Variants in ORC5 observed in about 807,000 individuals in gnomAD.
ORC5 encodes protein phosphatase 1, regulatory subunit 117.
Under a neutral mutation model 58.8 loss-of-function variants are expected in ORC5, and 39 were observed. That is an observed-to-expected ratio of 0.66 (90% CI 0.51 to 0.87). The LOEUF is 0.87. Ranked by LOEUF, ORC5 falls within the 40% of genes least tolerant of loss-of-function variation. The pLI, the probability that ORC5 is intolerant of heterozygous loss-of-function variation, is 0.00. For missense variants in ORC5, 493 were observed against 506.3 expected, an observed-to-expected ratio of 0.97 and a Z score of 0.25; for synonymous variants, 218 against 177.6, an observed-to-expected ratio of 1.23 and a Z score of -1.81.
At chr7:104,132,789 T>C (rs1483359547) in intron 13 of ORC5, among the ~76,000 whole-genome samples, 1 of 152,158 alleles carries the variant, frequency 6.6e-6, no homozygotes, top group Non-Finnish European at 1.5e-5. Context: ...TTGTTACATA[T>C]AATGAAGAAC....
At chr7:104,137,269 CAAA>C (rs58837683) in intron 12 of ORC5, among the ~76,000 whole-genome samples, 3 of 132,614 alleles carry the variant, frequency 2.3e-5, no homozygotes, top group Non-Finnish European at 3.2e-5. Context: ...AATGTGCCTA[CAAA>C]AAAAAAAAAA....
At chr7:104,198,309 T>C (rs995953858) in intron 3 of ORC5, among the ~76,000 whole-genome samples, 1 of 152,216 alleles carries the variant, frequency 6.6e-6, no homozygotes, top group African/African-American at 2.4e-5. Context: ...CCTAGAGACT[T>C]GTTAGATGGC....
At chr7:104,151,604 CT>C (rs2115812807) in intron 12 of ORC5, among the ~76,000 whole-genome samples, 1 of 152,252 alleles carries the variant, frequency 6.6e-6, no homozygotes, top group Admixed American at 6.5e-5. Context: ...GTTTTGAAAT[CT>C]AGGTAAGGCT....
At chr7:104,161,350 A>G (rs1799019130) in intron 11 of ORC5, among the ~76,000 whole-genome samples, 168 bp from the exon 12 acceptor site, 1 of 152,134 alleles carries the variant, frequency 6.6e-6, no homozygotes, top group South Asian at 2.1e-4. Context: ...TGATATGATC[A>G]TGATTTATCC....
intron 3 of ORC5, 60 bp downstream of exon 3, chr7:104,200,698 G>T (rs1372981643): frequency 1.9e-6 from 2 of 1,047,912 alleles, no homozygotes; most frequent in Non-Finnish European, 2.9e-6. Context: ...TATGAAAATT[G>T]ATCTAATAAA....
intron 12 of ORC5, among the ~76,000 whole-genome samples, chr7:104,146,288 G>A (rs774023163): frequency 3.3e-4 from 50 of 152,128 alleles, no homozygotes; most frequent in Non-Finnish European, 5.9e-4. Flanking sequence ...GGCAATTACC[G>A]TATTACCCTG....
At chr7:104,195,422 C>T (rs1029910924) in intron 4 of ORC5, among the ~76,000 whole-genome samples, 168 bp from the exon 5 acceptor site, 1 of 152,160 alleles carries the variant, frequency 6.6e-6, no homozygotes, top group South Asian at 2.1e-4. Flanking sequence ...GGAGCTCATT[C>T]GTTTGCAAAC....
intron 1 of ORC5, among the ~76,000 whole-genome samples, chr7:104,205,372 G>A (rs1800053578): frequency 1.3e-5 from 2 of 152,104 alleles, no homozygotes; most frequent in African/African-American, 4.8e-5. Context: ...ACAGGTGTGA[G>A]CCACTGTGCC....
rs1798620746 is a variant in ORC5 at position 104,138,206 on chromosome 7, AGCTC to A, written c.1150-1317_1150-1314del. On this transcript the variant is annotated intron_variant, in intron 12 of 13. Transcript: ENST00000297431. This position sits in a 1 kb window ranked among gnomAD's most constrained non-coding sequence, Gnocchi z 4.7. ...TGCACTCAGCCCAACCAAGATTCCT[AGCTC>A]AACAACTGATTCAAACAATCAGTCC... Among the ~76,000 whole-genome samples, 1 of 152,222 alleles carries A rather than the reference AGCTC, an allele frequency of 6.6e-6. No homozygotes were observed. Among genetic ancestry groups the A allele is most frequent in the South Asian group, 2.1e-4 (1 of 4,830 alleles).
intron 2 of ORC5, 62 bp from the exon 3 acceptor site, chr7:104,201,020 G>C: frequency 7.3e-7 from 1 of 1,366,054 alleles, no homozygotes; most frequent in South Asian, 1.3e-5. Context: ...AATAATGGCT[G>C]TGCTGGATAG....
chr7:104,126,890 C>T lies in ORC5; in HGVS notation c.1266G>A (p.Thr422=), dbSNP rs141952883. ...SLDFIRAIAR[T]VNFDIIKYLY... is the part of the protein sequence containing the mutation. ...AGTATTTTATTATGTCAAAGTTCAC[C>T]GTCCTAAAAACAAAAACAGATAATA... Residue 422 remains threonine, a synonymous_variant, in exon 14 of 14, where the codon ACG becomes ACA. Coordinates refer to ENST00000297431, the MANE Select transcript of ORC5 (RefSeq NM_002553.4). The T allele has an allele frequency of 1.6e-4, 250 of 1,605,034 alleles. 1 individual carries two copies. In the African/African-American group the frequency reaches 2.7e-3, roughly 17 times the overall value.
intron 5 of ORC5, among the ~76,000 whole-genome samples, chr7:104,191,516 G>A (rs1799675952): frequency 2.0e-5 from 3 of 151,996 alleles, no homozygotes; most frequent in African/African-American, 7.2e-5. Context: ...GTAGCCCTCT[G>A]TATCCCATAA....
chr7:104,130,038 C>T (rs1486933068), intron 13 of ORC5, among the ~76,000 whole-genome samples: 1 of 151,186 alleles, frequency 6.6e-6, no homozygotes, highest in Non-Finnish European at 1.5e-5. Flanking sequence ...CTTTTGTGGG[C>T]AGTTTGAGTT....
intron 6 of ORC5, 155 bp downstream of exon 6, chr7:104,188,096 G>T: frequency 1.1e-6 from 1 of 934,418 alleles, no homozygotes; most frequent in Non-Finnish European, 1.5e-6. Context: ...AGTCTCTAGA[G>T]GCCATATGCA....
intron 12 of ORC5, among the ~76,000 whole-genome samples, chr7:104,143,972 A>G (rs1218150650): frequency 6.6e-6 from 1 of 152,098 alleles, no homozygotes. Flanking sequence ...TACAAAAGTT[A>G]GCTGGGCATG....
At chr7:104,193,502 C>T (rs1437552413) in intron 5 of ORC5, among the ~76,000 whole-genome samples, 1 of 152,010 alleles carries the variant, frequency 6.6e-6, no homozygotes, top group African/African-American at 2.4e-5. Flanking sequence ...AAAACGACTT[C>T]CAAACTGGGC....
intron 12 of ORC5, among the ~76,000 whole-genome samples, chr7:104,151,437 A>G (rs571774715): frequency 9.4e-4 from 143 of 152,190 alleles, no homozygotes; most frequent in Non-Finnish European, 1.7e-3. Context: ...AGACTTGACC[A>G]AGTAAATGAA....
At chr7:104,160,199 T>G (rs956139324) in intron 12 of ORC5, among the ~76,000 whole-genome samples, 23 of 152,282 alleles carry the variant, frequency 1.5e-4, no homozygotes, top group African/African-American at 5.5e-4. Context: ...GAGATTATAT[T>G]TGTTACTCAA....
chr7:104,205,727 T>C (rs74994433), intron 1 of ORC5, among the ~76,000 whole-genome samples: 5,683 of 152,336 alleles, frequency 0.037, 171 homozygotes, highest in South Asian at 0.11. Flanking sequence ...GCCCAAAAAT[T>C]CTGTCTCAGC....
Sources: gnomAD v4.1 joint callset for allele counts (sites outside exome capture counted in the v4.1 genomes callset) on GRCh38, gnomAD v4.1.1 for gene constraint, Gnocchi (gnomAD v3.1) non-coding constraint, MANE v1.5 for transcripts, NCBI Gene and HGNC (gene_info 2026-07-23, HGNC 2026-07-21) for gene names.